The following MICU1 variants were observed in gnomAD, a reference collection of about 807,000 sequenced individuals.
The protein encoded by MICU1 is calcium uptake protein 1, mitochondrial.
In MICU1, 45 loss-of-function variants were observed where a neutral mutation model predicts 56.8. That is an observed-to-expected ratio of 0.79 (90% confidence interval 0.62 to 1.02). MICU1 has a LOEUF of 1.02. Ranked by LOEUF, MICU1 falls within the 50% of genes least tolerant of loss-of-function variation. The pLI is 0.00. For synonymous variants in MICU1, 186 were observed against 195.1 expected (o/e 0.95, Z 0.39); for missense variants, 504 against 587.1 (o/e 0.86, Z 1.46).
rs748513993 is a variant in MICU1 at position 72,423,356 on chromosome 10, G to T, written c.949C>A (p.Pro317Thr). The T allele has an allele frequency of 3.1e-6, 5 of 1,613,606 alleles. No individual in the cohort carries two copies. The highest frequency in any genetic ancestry group is 8.5e-7 in the Non-Finnish European group (1 of 1,179,786). ...CTCTCAGTAATTCTCCCATCCACAG[G>T]GTCATGGCGTTCAAACTGGGAGGGA... is the stretch of plus-strand genomic sequence containing the variant. ...VLKLEFERHDPVDGRITERQF... is the reference protein window; with the variant it reads ...VLKLEFERHDTVDGRITERQF... Residue 317 changes from proline (P) to threonine (T), a missense_variant, in exon 9 of 12, where the codon CCT becomes ACT. Coordinates refer to ENST00000361114, the MANE Select transcript of MICU1 (RefSeq NM_001195518.2).
At position 72,567,680 on chromosome 10, in the gene MICU1, G is replaced by A. The variant is rs116087234; in HGVS notation, c.-1-886C>T. The stretch of plus-strand genomic sequence containing the variant: ...TGCCAGGGGAAGCCACCCATGGGGA[G>A]GCAGTTTCACTAGGAAATTGCATAT... On this transcript the variant is annotated intron_variant, in intron 1 of 11. Transcript: ENST00000361114. 4.7e-3 allele frequency among the ~76,000 whole-genome samples: 720 copies of A among 152,310 alleles called. 4 individuals are homozygous for A. Among genetic ancestry groups the A allele is most frequent in the African/African-American group, 0.017 (693 of 41,552 alleles).
chr10:72,569,878 A>G lies in MICU1; in HGVS notation c.-1-3084T>C, dbSNP rs563659832. 2.0e-5 allele frequency among the ~76,000 whole-genome samples: 3 copies of G among 152,282 alleles called. No individual in the cohort carries two copies. In the South Asian group the frequency reaches 6.2e-4, roughly 32 times the overall value. Reference sequence around the variant, plus strand: ...TCCCACTTTTTTGTAGAGGTAATTCATTCAAATTATACAAAGAATCCATGC... The same window carrying G: ...TCCCACTTTTTTGTAGAGGTAATTCGTTCAAATTATACAAAGAATCCATGC... On this transcript the variant is annotated intron_variant, in intron 1 of 11. Coordinates refer to ENST00000361114, the MANE Select transcript of MICU1 (RefSeq NM_001195518.2).
chr10:72,471,959 C>T (rs1202446449), intron 8 of MICU1, among the ~76,000 whole-genome samples: 1 of 145,292 alleles, frequency 6.9e-6, no homozygotes, highest in Non-Finnish European at 1.5e-5. Flanking sequence ...TTTGTTGTAA[C>T]ATATCTAGTA....
At chr10:72,485,049 C>T (rs1157618970) in intron 6 of MICU1, among the ~76,000 whole-genome samples, 2 of 152,120 alleles carry the variant, frequency 1.3e-5, no homozygotes, top group African/African-American at 2.4e-5. Flanking sequence ...AAAATATTTG[C>T]TATCTGGCCC....
intron 1 of MICU1, among the ~76,000 whole-genome samples, chr10:72,591,904 G>A (rs762695501): frequency 2.6e-5 from 4 of 151,836 alleles, no homozygotes; most frequent in Non-Finnish European, 5.9e-5. Flanking sequence ...TCAGCTACTC[G>A]AGAGGCTGAG....
chr10:72,463,183 C>T (rs1349281123), intron 8 of MICU1, among the ~76,000 whole-genome samples: 3 of 152,118 alleles, frequency 2.0e-5, no homozygotes, highest in Non-Finnish European at 2.9e-5. Context: ...CCTGCCTCAG[C>T]CTCCCGAGTA....
chr10:72,508,311 A>C (rs1434369516), intron 5 of MICU1, 42 bp from the exon 6 acceptor site: 4 of 803,654 alleles, frequency 5.0e-6, no homozygotes, highest in Non-Finnish European at 7.8e-6. Context: ...AAAATATATA[A>C]GTGAATTAGA....
At chr10:72,519,315 T>C (rs1370186862) in intron 5 of MICU1, among the ~76,000 whole-genome samples, 2 of 152,210 alleles carry the variant, frequency 1.3e-5, no homozygotes, top group Non-Finnish European at 2.9e-5. Context: ...TAGTTATAGG[T>C]ACAGTATCAC....
At chr10:72,423,046 T>C (rs1864228480) in intron 9 of MICU1, among the ~76,000 whole-genome samples, 188 bp downstream of exon 9, 1 of 152,082 alleles carries the variant, frequency 6.6e-6, no homozygotes, top group Admixed American at 6.6e-5. Context: ...CTGGGATGAT[T>C]CTGGACGCTC....
chr10:72,441,159 A>G (rs1408380501), intron 8 of MICU1, among the ~76,000 whole-genome samples: 2 of 152,200 alleles, frequency 1.3e-5, no homozygotes, highest in African/African-American at 4.8e-5. Flanking sequence ...CCAAATGTCC[A>G]TCAATGATAG....
intron 4 of MICU1, among the ~76,000 whole-genome samples, chr10:72,546,355 A>G (rs995044152): frequency 2.0e-5 from 3 of 152,246 alleles, no homozygotes; most frequent in Non-Finnish European, 2.9e-5. Context: ...CTAACTGCGT[A>G]TGTGTAACAT....
chr10:72,509,577 G>C (rs993599843), intron 5 of MICU1, among the ~76,000 whole-genome samples: 3 of 152,188 alleles, frequency 2.0e-5, no homozygotes, highest in Non-Finnish European at 4.4e-5. Context: ...GCTATGGACA[G>C]GTTAAAGTCC....
At chr10:72,396,784 G>A (rs1863278809) in intron 10 of MICU1, among the ~76,000 whole-genome samples, 1 of 152,222 alleles carries the variant, frequency 6.6e-6, no homozygotes, top group South Asian at 2.1e-4. Flanking sequence ...ATGGGACTAT[G>A]TGCAAAGACC....
chr10:72,416,945 C>T (rs933394222), intron 9 of MICU1, among the ~76,000 whole-genome samples: 1 of 152,150 alleles, frequency 6.6e-6, no homozygotes. Context: ...AGTTACCTTG[C>T]TTTATATTTG....
At chr10:72,520,918 T>C (rs1409709419) in intron 5 of MICU1, among the ~76,000 whole-genome samples, 3 of 152,132 alleles carry the variant, frequency 2.0e-5, no homozygotes, top group Non-Finnish European at 4.4e-5. Context: ...TTCTGCATAC[T>C]AGCTTCAAAG....
At chr10:72,454,385 T>C (rs1417391915) in intron 8 of MICU1, among the ~76,000 whole-genome samples, 1 of 149,080 alleles carries the variant, frequency 6.7e-6, no homozygotes, top group Non-Finnish European at 1.5e-5. Flanking sequence ...ACCGGGGAGA[T>C]GGAGGTTGTG....
At chr10:72,489,752 T>A (rs1437229982) in intron 6 of MICU1, among the ~76,000 whole-genome samples, 2 of 152,154 alleles carry the variant, frequency 1.3e-5, no homozygotes, top group African/African-American at 4.8e-5. Flanking sequence ...AAATGTGAAA[T>A]CCTCAACAAC....
At chr10:72,469,620 G>A (rs918351808) in intron 8 of MICU1, among the ~76,000 whole-genome samples, 1 of 152,150 alleles carries the variant, frequency 6.6e-6, no homozygotes, top group African/African-American at 2.4e-5. Flanking sequence ...TATGCCTGTT[G>A]CCATACTAGG....
At chr10:72,472,447 T>C (rs1317791764) in intron 8 of MICU1, among the ~76,000 whole-genome samples, 2 of 152,314 alleles carry the variant, frequency 1.3e-5, no homozygotes, top group Admixed American at 1.3e-4. Context: ...CTTTGAAGTC[T>C]AAGCACTTAA....
Sources: gnomAD v4.1 joint callset for allele counts (sites outside exome capture counted in the v4.1 genomes callset) on GRCh38, gnomAD v4.1.1 for gene constraint, MANE v1.5 for transcripts, NCBI Gene and HGNC (gene_info 2026-07-23, HGNC 2026-07-21) for gene names.